NSFL1C: variants seen among roughly 807,000 people sequenced by gnomAD.
The protein encoded by NSFL1C is NSFL1 cofactor, also known as NSFL1 cofactor p47.
Under a neutral mutation model 43.1 loss-of-function variants are expected in NSFL1C, and 14 were observed. The ratio of observed to expected loss-of-function variants is 0.32; its 90% CI spans 0.21 to 0.51. The LOEUF (loss-of-function observed/expected upper bound fraction) is 0.51, where lower values mean the gene tolerates loss of function less well. NSFL1C is among the 20% of genes least tolerant of loss of function. The pLI, the probability that NSFL1C is intolerant of heterozygous loss-of-function variation, is 0.98. For synonymous variants in NSFL1C, 171 were observed against 183.5 expected (o/e 0.93, Z 0.55); for missense variants, 406 against 472.5 (o/e 0.86, Z 1.30).
intron 2 of NSFL1C, among the ~76,000 whole-genome samples, chr20:1,462,623 G>A (rs906595655): frequency 3.3e-5 from 5 of 151,560 alleles, no homozygotes; most frequent in African/African-American, 4.9e-5. Context: ...CCGGGTTCAC[G>A]CCATTCTCCT....
intron 7 of NSFL1C, 173 bp from the exon 8 acceptor site, chr20:1,446,003 C>A: frequency 1.5e-6 from 1 of 653,542 alleles, no homozygotes; most frequent in Non-Finnish European, 2.7e-6. Context: ...ACAGGTCCAG[C>A]AGAATTCACT....
chr20:1,458,105 AC>A, intron 3 of NSFL1C, 94 bp downstream of exon 3: 1 of 1,016,858 alleles, frequency 9.8e-7, no homozygotes, highest in South Asian at 1.3e-5. Context: ...GCTAACAATA[AC>A]CAAACATGTT....
intron 1 of NSFL1C, among the ~76,000 whole-genome samples, chr20:1,465,282 C>G (rs1265399086): frequency 6.6e-6 from 1 of 152,174 alleles, no homozygotes; most frequent in Non-Finnish European, 1.5e-5. Context: ...AGACAGTGAG[C>G]TGTCAAGGGA....
At chr20:1,448,231 G>T (rs1350585020) in intron 7 of NSFL1C, among the ~76,000 whole-genome samples, 1 of 152,274 alleles carries the variant, frequency 6.6e-6, no homozygotes, top group South Asian at 2.1e-4. Context: ...TATTATCAAG[G>T]AGAGTTGGTG....
chr20:1,454,371 A>G (rs1349306001), intron 4 of NSFL1C, 66 bp from the exon 5 acceptor site: 10 of 1,065,986 alleles, frequency 9.4e-6, no homozygotes, highest in Middle Eastern at 2.9e-4. Flanking sequence ...CTCAGATACA[A>G]TGATATATAT....
intron 7 of NSFL1C, among the ~76,000 whole-genome samples, chr20:1,451,670 G>A (rs906929644): frequency 6.6e-6 from 1 of 152,228 alleles, no homozygotes; most frequent in Non-Finnish European, 1.5e-5. Context: ...CATGGCCATG[G>A]CCAAAGCTAA....
chr20:1,458,527 C>T (rs1159965375), intron 2 of NSFL1C, among the ~76,000 whole-genome samples: 8 of 151,998 alleles, frequency 5.3e-5, no homozygotes, highest in African/African-American at 1.9e-4. Flanking sequence ...ATTTAAGCTG[C>T]CCTGGCTTTA....
intron 5 of NSFL1C, among the ~76,000 whole-genome samples, chr20:1,453,975 T>TC (rs2090240115): frequency 6.6e-6 from 1 of 152,054 alleles, no homozygotes; most frequent in Non-Finnish European, 1.5e-5. Context: ...CTCAAAAAAC[T>TC]CCTTCATTTG....
intron 2 of NSFL1C, among the ~76,000 whole-genome samples, chr20:1,462,867 A>G (rs1046325814): frequency 2.0e-5 from 3 of 152,206 alleles, no homozygotes; most frequent in African/African-American, 7.2e-5. Flanking sequence ...TGGGGAATAG[A>G]GTAAACAAAA....
At chr20:1,453,980 C>G (rs2090240419) in intron 5 of NSFL1C, among the ~76,000 whole-genome samples, 1 of 152,198 alleles carries the variant, frequency 6.6e-6, no homozygotes, top group Non-Finnish European at 1.5e-5. Context: ...AAAACTCCTT[C>G]ATTTGCCCAT....
chr20:1,458,384 AGAG>A, intron 2 of NSFL1C, 110 bp from the exon 3 acceptor site: 1 of 804,630 alleles, frequency 1.2e-6, no homozygotes, highest in Middle Eastern at 2.3e-4. Context: ...TTGGTAGGCG[AGAG>A]GAGGACGTTA....
chr20:1,457,636 T>C (rs2090329020), intron 3 of NSFL1C, among the ~76,000 whole-genome samples: 1 of 152,198 alleles, frequency 6.6e-6, no homozygotes, highest in Non-Finnish European at 1.5e-5. Flanking sequence ...ACTCTGTCGA[T>C]TGTTCTAGAT....
chr20:1,454,254 C>G lies in NSFL1C; in HGVS notation c.496G>C (p.Ala166Pro), dbSNP rs757310372. 2.5e-6 allele frequency: 4 copies of G among 1,612,964 alleles called. No homozygotes were observed. In the Admixed American group the frequency reaches 6.7e-5, roughly 27 times the overall value. The change falls in exon 5 of 9, where the codon GCC becomes CCC. Residue 166 changes from alanine (A) to proline (P), a missense_variant. Physicochemically the swap from Ala to Pro is conservative, Grantham distance 27. Around this residue, in one of 3 missense-constraint regions of NSFL1C, gnomAD observed 203 missense variants for 216.3 expected, o/e 0.94. Transcript: ENST00000216879. ...TGCCTCTTTTCTCCTGCCACATAGG[C>G]AGACTCTTCCTCTGGTGCTGCCCCA... is the stretch of plus-strand genomic sequence containing the variant. ...RLGAAPEEES[A>P]YVAGEKRQHS... is the part of the protein sequence containing the mutation.
At chr20:1,443,978 G>T in intron 8 of NSFL1C, 67 bp from the exon 9 acceptor site, 1 of 1,494,394 alleles carries the variant, frequency 6.7e-7, no homozygotes, top group Non-Finnish European at 9.1e-7. Context: ...CCTGTGGAAA[G>T]CTAAACACCT....
chr20:1,451,928 A>G (rs1281751416), intron 7 of NSFL1C, among the ~76,000 whole-genome samples: 1 of 152,226 alleles, frequency 6.6e-6, no homozygotes, highest in Non-Finnish European at 1.5e-5. Context: ...AGAGCTGCTG[A>G]GCTGTCATAA....
At chr20:1,451,036 C>T (rs1284754245) in intron 7 of NSFL1C, among the ~76,000 whole-genome samples, 1 of 152,016 alleles carries the variant, frequency 6.6e-6, no homozygotes, top group Non-Finnish European at 1.5e-5. Flanking sequence ...TTCAGGACAG[C>T]TTTTATTCTT....
chr20:1,443,903 T>A lies in NSFL1C; in HGVS notation c.959A>T (p.Asp320Val). 1 of 1,610,928 alleles carries A rather than the reference T, an allele frequency of 6.2e-7. No individual in the cohort carries two copies. The highest frequency in any genetic ancestry group is 8.5e-7 in the Non-Finnish European group (1 of 1,179,622). ...QKFNHSHRIS[D>V]IRLFIVDARP... ...GGCATCCACGATGAAGAGTCGGATG[T>A]CGCTGATCCTGCAGGAGTTGGGGAA... The change falls in exon 9 of 9, where the codon GAC (aspartate) becomes GTC (valine). Residue 320 changes from aspartate (D) to valine (V), a missense_variant. Physicochemically the swap from Asp to Val is radical, Grantham distance 152. This residue lies in a region of NSFL1C where 196 missense variants were observed against 228.0 expected (regional missense o/e 0.86). Coordinates refer to ENST00000216879, the MANE Select transcript of NSFL1C (RefSeq NM_016143.5).
chr20:1,445,804 C>G lies in NSFL1C; in HGVS notation c.812G>C (p.Ser271Thr), dbSNP rs145181348. 2,057 of 1,613,978 alleles carry G rather than the reference C, an allele frequency of 1.3e-3. 43 individuals are homozygous for G. The South Asian group carries it at 0.021, about 16-fold the overall frequency. ...GSTAPQVLSTSSPAQQAENEA... is the reference protein window; with the variant it reads ...GSTAPQVLSTTSPAQQAENEA... The stretch of plus-strand genomic sequence containing the variant: ...ATTTTCTGCCTGTTGGGCTGGAGAG[C>G]TGGTACTCAACACCTGGGGGGCAGT... The change falls in exon 8 of 9, where the codon AGC (serine) becomes ACC (threonine). Residue 271 changes from serine to threonine, a missense_variant. Physicochemically the swap from Ser to Thr is moderately conservative, Grantham distance 58. Coordinates refer to ENST00000216879, the MANE Select transcript of NSFL1C (RefSeq NM_016143.5).
chr20:1,466,144 T>A (rs544488574), intron 1 of NSFL1C, among the ~76,000 whole-genome samples: 2 of 152,212 alleles, frequency 1.3e-5, no homozygotes, highest in African/African-American at 4.8e-5. Context: ...TAGCAAGTAT[T>A]TAGTGAATAC....
Sources: allele counts gnomAD v4.1 joint callset (sites outside exome capture counted in the v4.1 genomes callset), GRCh38; gene constraint gnomAD v4.1.1; regional missense constraint gnomAD v4.1.1; transcripts MANE v1.5; gene names NCBI Gene and HGNC (gene_info 2026-07-23, HGNC 2026-07-21).